MBD5: variants seen among roughly 807,000 people sequenced by gnomAD.
MBD5 encodes the protein methyl-CpG-binding domain protein 5.
Under a neutral mutation model 117.3 loss-of-function variants are expected in MBD5, and 13 were observed. The ratio of observed to expected loss-of-function variants is 0.11; its 90% CI spans 0.07 to 0.18. The LOEUF (loss-of-function observed/expected upper bound fraction) is 0.18, where lower values mean the gene tolerates loss of function less well. MBD5 is among the 10% of genes least tolerant of loss of function. MBD5 has a pLI of 1.00. For missense variants in MBD5, 1,879 were observed against 2,093.8 expected (o/e 0.90, Z 2.00); for synonymous variants, 727 against 766.4 (o/e 0.95, Z 0.85).
chr2:148,237,149 A>G (rs550971715), intron 3 of MBD5, among the ~76,000 whole-genome samples: 1 of 152,338 alleles, frequency 6.6e-6, no homozygotes, highest in African/African-American at 2.4e-5. Flanking sequence ...TCTTCTATCC[A>G]TGCCACTAAA....
At chr2:148,381,188 C>T (rs1042817021) in intron 4 of MBD5, among the ~76,000 whole-genome samples, 6 of 151,948 alleles carry the variant, frequency 3.9e-5, no homozygotes, top group Admixed American at 6.6e-5. Context: ...GGAGGAAGTT[C>T]GAACCAATGG....
chr2:148,365,798 T>C (rs952859363), intron 4 of MBD5, among the ~76,000 whole-genome samples: 6 of 151,882 alleles, frequency 4.0e-5, no homozygotes, highest in Non-Finnish European at 7.4e-5. Flanking sequence ...AATCACTGAA[T>C]AGACCAATAA....
chr2:148,327,319 A>T (rs376005008), intron 3 of MBD5, among the ~76,000 whole-genome samples: 1 of 151,796 alleles, frequency 6.6e-6, no homozygotes, highest in Non-Finnish European at 1.5e-5. Context: ...TGTGTCTTGG[A>T]GTTGCTCTTC....
At chr2:148,315,436 G>A (rs1194181243) in intron 3 of MBD5, among the ~76,000 whole-genome samples, 1 of 152,020 alleles carries the variant, frequency 6.6e-6, no homozygotes, top group African/African-American at 2.4e-5. Flanking sequence ...TTTAAATCAG[G>A]TATCACTTAA....
intron 1 of MBD5, among the ~76,000 whole-genome samples, chr2:148,137,619 G>A (rs568956001): frequency 4.6e-5 from 7 of 152,128 alleles, no homozygotes; most frequent in Admixed American, 2.6e-4. Flanking sequence ...GAATCGAGTC[G>A]TACCTATCCT....
intron 3 of MBD5, among the ~76,000 whole-genome samples, chr2:148,303,994 A>G (rs1701833118): frequency 6.6e-6 from 1 of 152,198 alleles, no homozygotes; most frequent in Non-Finnish European, 1.5e-5. Context: ...ACGCTGATGA[A>G]CTGAGCCAAC....
Position 148,489,625 on chromosome 2 carries a change from A to G in MBD5, c.3993A>G (p.Lys1331=), listed in dbSNP as rs1431818595. ...IYKAVVDAAS[K]GMQVVITTAV... ...AAGCAGTTGTCGATGCAGCCAGCAAAGGAATGCAGGTTGTCATCACCACTG... is the reference window on the plus strand; with the variant it reads ...AAGCAGTTGTCGATGCAGCCAGCAAGGGAATGCAGGTTGTCATCACCACTG... The change falls in exon 11 of 14, where the codon AAA becomes AAG. Residue 1331 remains lysine, a synonymous_variant. Transcript: ENST00000642680. 3 of 1,614,064 alleles carry G rather than the reference A, an allele frequency of 1.9e-6. No homozygotes were observed. Among genetic ancestry groups the G allele is most frequent in the Non-Finnish European group, 2.5e-6 (3 of 1,180,036 alleles).
At chr2:148,070,402 T>G (rs1695318812) in intron 1 of MBD5, among the ~76,000 whole-genome samples, 1 of 152,164 alleles carries the variant, frequency 6.6e-6, no homozygotes, top group Non-Finnish European at 1.5e-5. Flanking sequence ...CCCTACTATT[T>G]TTTCCAAAAA....
chr2:148,358,479 T>C (rs1703442559), intron 4 of MBD5, among the ~76,000 whole-genome samples: 1 of 152,082 alleles, frequency 6.6e-6, no homozygotes, highest in East Asian at 1.9e-4. Context: ...TCTCCTATTA[T>C]AAAGCAAAAT....
intron 12 of MBD5, among the ~76,000 whole-genome samples, chr2:148,505,523 C>T (rs1244693032): frequency 2.0e-5 from 3 of 152,072 alleles, no homozygotes; most frequent in African/African-American, 7.2e-5. Context: ...TGCAGTAAGA[C>T]AAGAACTGAA....
intron 8 of MBD5, among the ~76,000 whole-genome samples, chr2:148,474,538 A>G (rs576367818): frequency 6.6e-6 from 1 of 152,322 alleles, no homozygotes; most frequent in Admixed American, 6.5e-5. Flanking sequence ...TCCTAAAAAA[A>G]AACCAAAACA....
intron 4 of MBD5, among the ~76,000 whole-genome samples, chr2:148,403,473 C>T (rs1199904425): frequency 1.3e-5 from 2 of 152,176 alleles, no homozygotes; most frequent in African/African-American, 4.8e-5. Context: ...AACCATCAAG[C>T]TCAGCCATAA....
intron 1 of MBD5, among the ~76,000 whole-genome samples, chr2:148,135,514 C>T (rs1558940229): frequency 6.6e-6 from 1 of 152,000 alleles, no homozygotes; most frequent in Non-Finnish European, 1.5e-5. Context: ...TTTTGTATTG[C>T]TTGTGTTAAA....
chr2:148,312,155 T>C (rs975220162), intron 3 of MBD5, among the ~76,000 whole-genome samples: 1 of 152,190 alleles, frequency 6.6e-6, no homozygotes, highest in Non-Finnish European at 1.5e-5. Context: ...AGGAGTATCT[T>C]TGTGGTGTTC....
At chr2:148,184,090 G>C (rs886304449) in intron 2 of MBD5, among the ~76,000 whole-genome samples, 1 of 144,984 alleles carries the variant, frequency 6.9e-6, no homozygotes. Flanking sequence ...CACAATCTCT[G>C]CTCAACCTCC....
intron 4 of MBD5, among the ~76,000 whole-genome samples, chr2:148,446,602 C>CTATGTGTG (rs1553516216): frequency 0.027 from 3,988 of 148,854 alleles, 78 homozygotes; most frequent in African/African-American, 0.048. Flanking sequence ...GATTATTTAT[C>CTATGTGTG]TGTGTGTGTG....
intron 1 of MBD5, among the ~76,000 whole-genome samples, chr2:148,106,904 C>G (rs1166392074): frequency 1.3e-5 from 2 of 151,854 alleles, no homozygotes; most frequent in Non-Finnish European, 2.9e-5. Context: ...TGTTTTATAA[C>G]ATTTATATTC....
chr2:148,348,914 G>T (rs1478010934), intron 4 of MBD5, among the ~76,000 whole-genome samples: 2 of 151,862 alleles, frequency 1.3e-5, no homozygotes, highest in Non-Finnish European at 2.9e-5. Flanking sequence ...AAATAGTAGG[G>T]CTTCAATAAT....
rs1682337418 is a variant in MBD5, at chr2:148,516,034, C to G, written c.*3093C>G. The stretch of plus-strand genomic sequence containing the variant: ...TTTTAGTCTTTTATTTGGACCCTGA[C>G]TTTGAGTTTTTGCTATGCCTGTTTT... On this transcript the variant is annotated 3_prime_UTR_variant, in exon 14 of 14. Transcript: ENST00000642680. The G allele has an allele frequency of 6.6e-6, 1 of 152,158 alleles. No homozygotes were observed. Among genetic ancestry groups the G allele is most frequent in the South Asian group, 2.1e-4 (1 of 4,832 alleles). 9.4% of individuals were successfully genotyped at this position (152,158 alleles called of 1,614,324 possible).
Sources: gnomAD v4.1 joint callset for allele counts (sites outside exome capture counted in the v4.1 genomes callset) on GRCh38, gnomAD v4.1.1 for gene constraint, MANE v1.5 for transcripts, NCBI Gene and HGNC (gene_info 2026-07-23, HGNC 2026-07-21) for gene names.